The following TTC39B variants were observed in gnomAD, a reference collection of about 807,000 sequenced individuals.
TTC39B encodes the protein tetratricopeptide repeat protein 39B.
A neutral mutation model predicts 96.6 loss-of-function variants in TTC39B; 92 were observed. The observed-to-expected ratio is 0.95, with a 90% CI of 0.80 to 1.13. The LOEUF (loss-of-function observed/expected upper bound fraction) is 1.13. Ranked by LOEUF, TTC39B falls within the 50% of genes most tolerant of loss-of-function variation. The probability of loss-of-function intolerance (pLI) is 0.00; values close to 1 mark genes in which losing one functional copy is unlikely to be tolerated. For missense variants in TTC39B, 955 were observed against 809.3 expected (o/e 1.18, Z -2.18); for synonymous variants, 367 against 299.4 (o/e 1.23, Z -2.33).
intron 1 of TTC39B, among the ~76,000 whole-genome samples, chr9:15,287,945 C>CAAAAAAAAAAAAAAAAAAA (rs762069142): frequency 1.5e-5 from 1 of 68,950 alleles, no homozygotes; most frequent in Non-Finnish European, 2.6e-5. Context: ...GACTCCATCT[C>CAAAAAAAAAAAAAAAAAAA]AAAAAAAAAA....
chr9:15,212,355 T>A (rs1242002359), intron 4 of TTC39B, among the ~76,000 whole-genome samples: 1 of 150,182 alleles, frequency 6.7e-6, no homozygotes, highest in African/African-American at 2.4e-5. Context: ...ACCTCACATT[T>A]TTAACTGAAA....
intron 1 of TTC39B, among the ~76,000 whole-genome samples, chr9:15,304,459 C>A (rs141333778): frequency 1.3e-5 from 2 of 152,272 alleles, no homozygotes; most frequent in African/African-American, 4.8e-5. Context: ...GTCCTAACTT[C>A]TATGCTCCCG....
At chr9:15,266,182 C>G in intron 2 of TTC39B, among the ~76,000 whole-genome samples, 1 of 151,772 alleles carries the variant, frequency 6.6e-6, no homozygotes, top group South Asian at 2.1e-4. Context: ...TGTACTACCT[C>G]CTCAATAATT....
chr9:15,185,219 C>G (rs1818452777), intron 16 of TTC39B, 61 bp downstream of exon 16: 1 of 1,529,876 alleles, frequency 6.5e-7, no homozygotes, highest in African/African-American at 1.4e-5. Context: ...TAGATATGCT[C>G]CCTGCTGCTG....
chr9:15,165,696 G>A (rs1358362415), exon 20 of TTC39B: 1 of 152,132 alleles, frequency 6.6e-6, no homozygotes, highest in Non-Finnish European at 1.5e-5. Flanking sequence ...GAGCAAAGGG[G>A]GAAAAGCCCC....
chr9:15,299,694 T>G (rs2131618070), intron 1 of TTC39B, among the ~76,000 whole-genome samples: 1 of 152,306 alleles, frequency 6.6e-6, no homozygotes, highest in South Asian at 2.1e-4. Context: ...GAGATGCTAC[T>G]GGGGCATCCA....
chr9:15,279,198 T>C (rs2131578788), intron 1 of TTC39B, among the ~76,000 whole-genome samples: 1 of 152,320 alleles, frequency 6.6e-6, no homozygotes, highest in East Asian at 1.9e-4. Context: ...AGACCAGGGA[T>C]GAGCAAAAAG....
At chr9:15,285,626 G>A (rs886494184) in intron 1 of TTC39B, among the ~76,000 whole-genome samples, 3 of 152,154 alleles carry the variant, frequency 2.0e-5, no homozygotes, top group Non-Finnish European at 4.4e-5. Context: ...AGGCCGAGGC[G>A]GGCGGATCAC....
exon 7 of TTC39B, chr9:15,203,832 C>T (rs760439840): frequency 2.7e-5 from 44 of 1,612,492 alleles, no homozygotes; most frequent in Admixed American, 3.3e-5. Flanking sequence ...CCTGCACAAA[C>T]GTGAGTGCAG....
chr9:15,238,988 AAT>A (rs1267183602), intron 2 of TTC39B, among the ~76,000 whole-genome samples: 2 of 152,204 alleles, frequency 1.3e-5, no homozygotes, highest in Non-Finnish European at 2.9e-5. Context: ...CTGTCTCAAA[AAT>A]AAGAAAGTAT....
chr9:15,194,661 T>C (rs1436080443), intron 8 of TTC39B, among the ~76,000 whole-genome samples: 1 of 152,276 alleles, frequency 6.6e-6, no homozygotes, highest in East Asian at 1.9e-4. Flanking sequence ...TCACTTTGTG[T>C]TTCAGGGTCA....
intron 2 of TTC39B, among the ~76,000 whole-genome samples, chr9:15,256,832 T>C (rs1586967053): frequency 1.3e-5 from 2 of 151,976 alleles, no homozygotes; most frequent in Non-Finnish European, 2.9e-5. Flanking sequence ...AGGGCAAGAG[T>C]TGCCCTCGAT....
At chr9:15,192,548 T>C (rs1586838810) in intron 9 of TTC39B, 42 bp downstream of exon 9, 1 of 1,506,328 alleles carries the variant, frequency 6.6e-7, no homozygotes, top group East Asian at 2.3e-5. Context: ...AACCTTAGGT[T>C]CTTCTACAAA....
intron 6 of TTC39B, among the ~76,000 whole-genome samples, chr9:15,207,139 GTC>G (rs1819910571): frequency 6.6e-6 from 1 of 152,164 alleles, no homozygotes; most frequent in South Asian, 2.1e-4. Context: ...AGAACTATGA[GTC>G]AATTAAACCT....
chr9:15,182,774 T>A (rs1178481721), intron 16 of TTC39B, among the ~76,000 whole-genome samples: 1 of 152,206 alleles, frequency 6.6e-6, no homozygotes. Context: ...AAAATATTTT[T>A]AAATGTCTGC....
chr9:15,185,170 AC>A (rs1818451429), intron 16 of TTC39B, 109 bp downstream of exon 16: 2 of 1,359,156 alleles, frequency 1.5e-6, no homozygotes, highest in South Asian at 3.1e-5. Context: ...AACAAAACCT[AC>A]AATGGTTTTT....
At chr9:15,201,397 G>A (rs1819530769) in intron 7 of TTC39B, among the ~76,000 whole-genome samples, 1 of 152,258 alleles carries the variant, frequency 6.6e-6, no homozygotes, top group African/African-American at 2.4e-5. Flanking sequence ...AGCACGGGGA[G>A]GGAGCCATGC....
chr9:15,204,627 T>A (rs1016986620), intron 6 of TTC39B, among the ~76,000 whole-genome samples: 2 of 151,920 alleles, frequency 1.3e-5, no homozygotes, highest in African/African-American at 4.8e-5. Flanking sequence ...GAAGGTATGG[T>A]AACCATGACA....
At chr9:15,252,080 G>GA (rs1387504993) in intron 2 of TTC39B, among the ~76,000 whole-genome samples, 2 of 152,122 alleles carry the variant, frequency 1.3e-5, no homozygotes, top group South Asian at 2.1e-4. Context: ...TTAGAAACAT[G>GA]AAAAGACCTG....
Sources: allele counts gnomAD v4.1 joint callset (sites outside exome capture counted in the v4.1 genomes callset), GRCh38; gene constraint gnomAD v4.1.1; transcripts MANE v1.5; gene names NCBI Gene and HGNC (gene_info 2026-07-23, HGNC 2026-07-21).